The following GLIPR1L1 variants were observed in gnomAD, a reference collection of about 807,000 sequenced individuals.
The protein encoded by GLIPR1L1 is GLIPR1 like 1.
In GLIPR1L1, 26 loss-of-function variants were observed where a neutral mutation model predicts 29.9. The observed-to-expected ratio is 0.87, with a 90% CI of 0.64 to 1.21. The LOEUF (loss-of-function observed/expected upper bound fraction) is 1.21, where lower values mean the gene tolerates loss of function less well. GLIPR1L1 is among the 50% of genes most tolerant of loss of function. GLIPR1L1 has a pLI of 0.00. For missense variants in GLIPR1L1, 305 were observed against 290.3 expected (o/e 1.05, Z -0.37); for synonymous variants, 77 against 97.5 (o/e 0.79, Z 1.24).
At chr12:75,359,582 T>A (rs1247374818) in intron 3 of GLIPR1L1, among the ~76,000 whole-genome samples, 2 of 151,994 alleles carry the variant, frequency 1.3e-5, no homozygotes, top group Non-Finnish European at 2.9e-5. Context: ...TTTCAAAAGT[T>A]ATTAAAACTG....
chr12:75,347,810 G>A (rs2042556780), intron 3 of GLIPR1L1, 88 bp downstream of exon 3: 6 of 677,536 alleles, frequency 8.9e-6, no homozygotes, highest in Middle Eastern at 2.9e-4. Flanking sequence ...AGACACAAGT[G>A]TATTTTTGAT....
At chr12:75,367,642 T>G (rs2044070122) in intron 4 of GLIPR1L1, among the ~76,000 whole-genome samples, 1 of 152,106 alleles carries the variant, frequency 6.6e-6, no homozygotes, top group Admixed American at 6.6e-5. Flanking sequence ...TTTAAATGCT[T>G]TTGTATATTA....
intron 1 of GLIPR1L1, among the ~76,000 whole-genome samples, chr12:75,337,445 T>G (rs902878065): frequency 1.3e-5 from 2 of 151,876 alleles, no homozygotes; most frequent in African/African-American, 4.8e-5. Flanking sequence ...AATGGATAGA[T>G]AGAGAATATT....
At chr12:75,356,589 A>T (rs1019345559) in intron 3 of GLIPR1L1, among the ~76,000 whole-genome samples, 1 of 152,304 alleles carries the variant, frequency 6.6e-6, no homozygotes, top group East Asian at 1.9e-4. Context: ...TGGAATTTTT[A>T]AAAGATATTT....
chr12:75,369,897 G>A, intron 4 of GLIPR1L1, 63 bp from the exon 5 acceptor site: 1 of 1,315,008 alleles, frequency 7.6e-7, no homozygotes, highest in South Asian at 1.8e-5. Context: ...AGCCATAAAA[G>A]CAAAGAAATA....
At chr12:75,362,062 T>C (rs931366824) in intron 3 of GLIPR1L1, among the ~76,000 whole-genome samples, 1 of 152,002 alleles carries the variant, frequency 6.6e-6, no homozygotes, top group Non-Finnish European at 1.5e-5. Flanking sequence ...AAAGACACTG[T>C]TAAGAGAATG....
chr12:75,356,771 T>A (rs1453997350), intron 3 of GLIPR1L1, among the ~76,000 whole-genome samples: 1 of 152,130 alleles, frequency 6.6e-6, no homozygotes, highest in African/African-American at 2.4e-5. Flanking sequence ...GCTAAGAAAT[T>A]GAAAACCAGC....
chr12:75,339,749 T>TTTAATC, intron 1 of GLIPR1L1, among the ~76,000 whole-genome samples: 1 of 152,202 alleles, frequency 6.6e-6, no homozygotes, highest in African/African-American at 2.4e-5. Flanking sequence ...TAATCCATCT[T>TTTAATC]GAGCTAATTT....
At chr12:75,354,311 A>T (rs1468757365) in intron 3 of GLIPR1L1, among the ~76,000 whole-genome samples, 5 of 151,668 alleles carry the variant, frequency 3.3e-5, no homozygotes, top group Admixed American at 2.6e-4. Flanking sequence ...AGACAAAAAA[A>T]GTCACAAGCA....
intron 4 of GLIPR1L1, among the ~76,000 whole-genome samples, chr12:75,364,120 C>G (rs1393743497): frequency 1.3e-5 from 2 of 152,198 alleles, no homozygotes; most frequent in Non-Finnish European, 2.9e-5. Flanking sequence ...TGTTTCTTAT[C>G]AGATTGAAAG....
At chr12:75,345,809 T>TA (rs1373214280) in intron 2 of GLIPR1L1, among the ~76,000 whole-genome samples, 1 of 152,010 alleles carries the variant, frequency 6.6e-6, no homozygotes, top group East Asian at 1.9e-4. Flanking sequence ...TGCTGTAAAG[T>TA]AAAAAAACAA....
chr12:75,369,689 T>A, intron 4 of GLIPR1L1: 5 of 983,794 alleles, frequency 5.1e-6, no homozygotes, highest in Non-Finnish European at 6.0e-6. Flanking sequence ...AAAATAAAGT[T>A]AACTACTTTA....
At chr12:75,359,401 A>G (rs2043410534) in intron 3 of GLIPR1L1, among the ~76,000 whole-genome samples, 1 of 71,142 alleles carries the variant, frequency 1.4e-5, no homozygotes, top group Non-Finnish European at 2.6e-5. Context: ...GAATTGATCT[A>G]TGAATTCAAG....
chr12:75,354,092 A>T (rs1256889027), intron 3 of GLIPR1L1, among the ~76,000 whole-genome samples: 1 of 147,034 alleles, frequency 6.8e-6, no homozygotes, highest in Non-Finnish European at 1.5e-5. Context: ...TAAGACAAAA[A>T]TGTCCTCTCT....
At chr12:75,337,020 A>T (rs543818384) in intron 1 of GLIPR1L1, among the ~76,000 whole-genome samples, 58 of 151,980 alleles carry the variant, frequency 3.8e-4, no homozygotes, top group African/African-American at 1.3e-3. Flanking sequence ...AAGTTAAAGA[A>T]TAAATAATAA....
At chr12:75,360,789 A>C (rs1335877359) in intron 3 of GLIPR1L1, 1 of 152,086 alleles carries the variant, frequency 6.6e-6, no homozygotes, top group East Asian at 1.9e-4. Flanking sequence ...TTTTCTTTCC[A>C]CACTGCCCTA....
At chr12:75,345,974 T>C (rs1037355328) in intron 2 of GLIPR1L1, among the ~76,000 whole-genome samples, 1 of 152,234 alleles carries the variant, frequency 6.6e-6, no homozygotes, top group Non-Finnish European at 1.5e-5. Flanking sequence ...AACAACTATA[T>C]CTTGCTTAAT....
chr12:75,346,625 G>A (rs939712415), intron 2 of GLIPR1L1, among the ~76,000 whole-genome samples: 8 of 151,984 alleles, frequency 5.3e-5, no homozygotes, highest in East Asian at 3.9e-4. Context: ...TCCTGACCTC[G>A]CAATCTGCCC....
intron 3 of GLIPR1L1, among the ~76,000 whole-genome samples, chr12:75,351,994 C>A (rs568721525): frequency 2.0e-5 from 3 of 152,270 alleles, no homozygotes; most frequent in Non-Finnish European, 4.4e-5. Context: ...CTTGCAAGAG[C>A]TCCTGAAGGA....
Sources: gnomAD v4.1 joint callset for allele counts (sites outside exome capture counted in the v4.1 genomes callset) on GRCh38, gnomAD v4.1.1 for gene constraint, MANE v1.5 for transcripts, NCBI Gene and HGNC (gene_info 2026-07-23, HGNC 2026-07-21) for gene names.